Variants in FCER1A observed in about 807,000 individuals in gnomAD.
FCER1A encodes high affinity immunoglobulin epsilon receptor subunit alpha.
In FCER1A, 24 loss-of-function variants were observed where a neutral mutation model predicts 23.6. That is an observed-to-expected ratio of 1.02 (90% CI 0.74 to 1.43). The LOEUF (loss-of-function observed/expected upper bound fraction) is 1.43. Among genes scored for constraint, FCER1A ranks in the 40% most tolerant of loss-of-function variants. The probability of loss-of-function intolerance (pLI) is 0.00; values close to 1 mark genes in which losing one functional copy is unlikely to be tolerated. For missense variants in FCER1A, 318 were observed against 294.5 expected, an observed-to-expected ratio of 1.08 and a Z score of -0.58; for synonymous variants, 121 against 108.8, an observed-to-expected ratio of 1.11 and a Z score of -0.70.
upstream of FCER1A, among the ~76,000 whole-genome samples, chr1:159,301,741 C>T (rs1652434427): frequency 6.6e-6 from 1 of 152,158 alleles, no homozygotes; most frequent in African/African-American, 2.4e-5. Flanking sequence ...GCTAGCCATG[C>T]TCCTGAATAT....
upstream of FCER1A, among the ~76,000 whole-genome samples, chr1:159,286,532 C>T (rs998223849): frequency 1.3e-5 from 2 of 152,108 alleles, no homozygotes; most frequent in Non-Finnish European, 2.9e-5. Context: ...CAGGGTTTCA[C>T]CATGTTAGCC....
chr1:159,287,225 G>A (rs564455396), upstream of FCER1A, among the ~76,000 whole-genome samples: 2 of 152,272 alleles, frequency 1.3e-5, no homozygotes, highest in African/African-American at 4.8e-5. Flanking sequence ...AAAAGGCAGG[G>A]CAAAGAAGAC....
upstream of FCER1A, among the ~76,000 whole-genome samples, chr1:159,300,251 G>T (rs1255353234): frequency 6.6e-6 from 1 of 152,104 alleles, no homozygotes; most frequent in Non-Finnish European, 1.5e-5. Context: ...CTAAGTAGGA[G>T]CTATTTAGAT....
At chr1:159,292,953 C>T (rs1206899108) in intron 1 of FCER1A, among the ~76,000 whole-genome samples, 3 of 151,946 alleles carry the variant, frequency 2.0e-5, no homozygotes, top group Middle Eastern at 6.8e-3. Flanking sequence ...GGTGCCACCT[C>T]GGGAATCTGC....
intron 1 of FCER1A, among the ~76,000 whole-genome samples, chr1:159,294,357 G>A (rs1359191350): frequency 6.6e-6 from 1 of 152,030 alleles, no homozygotes; most frequent in Non-Finnish European, 1.5e-5. Flanking sequence ...TCTTTTTATG[G>A]GGACTTTCAA....
At chr1:159,291,798 C>T (rs1328044678) in intron 1 of FCER1A, among the ~76,000 whole-genome samples, 1 of 152,122 alleles carries the variant, frequency 6.6e-6, no homozygotes, top group Non-Finnish European at 1.5e-5. Flanking sequence ...TTCCTCAATT[C>T]CTATTCACTT....
At chr1:159,306,694 C>A in intron 4 of FCER1A, among the ~76,000 whole-genome samples, 1 of 152,040 alleles carries the variant, frequency 6.6e-6, no homozygotes, top group East Asian at 1.9e-4. Context: ...GAAAGGAAAC[C>A]AGCAAGTCAG....
At chr1:159,304,293 G>C (rs1002710269) in intron 3 of FCER1A, 111 bp downstream of exon 3, 10 of 1,078,358 alleles carry the variant, frequency 9.3e-6, no homozygotes, top group Non-Finnish European at 1.3e-5. Flanking sequence ...GGGATTCAAG[G>C]CCTCTCATTT....
At chr1:159,287,843 A>G (rs1217311310), upstream of FCER1A, among the ~76,000 whole-genome samples, 1 of 151,004 alleles carries the variant, frequency 6.6e-6, no homozygotes, top group Non-Finnish European at 1.5e-5. Context: ...AGGATGATTT[A>G]TTAGGTTGTA....
upstream of FCER1A, among the ~76,000 whole-genome samples, chr1:159,288,607 CTT>C (rs764916953): frequency 2.8e-4 from 42 of 152,192 alleles, no homozygotes; most frequent in Non-Finnish European, 4.7e-4. Flanking sequence ...CTACTGCACT[CTT>C]ATCATTTCAG....
At position 159,302,416 on chromosome 1, in the gene FCER1A, T is replaced by G. The variant is rs767140252; in HGVS notation, c.52T>G (p.Phe18Val). 2.5e-6 allele frequency: 4 copies of G among 1,606,076 alleles called. No individual in the cohort carries two copies. The highest frequency in any genetic ancestry group is 3.4e-6 in the Non-Finnish European group (4 of 1,172,608). ...TCTACTGTGTGTAGCCTTACTGTTC[T>G]TCGGTAAGTAGAGATTCAATTACCC... Reference protein sequence around the residue: ...PTLLCVALLFFAPDGVLAVPQ... With the variant: ...PTLLCVALLFVAPDGVLAVPQ... Residue 18 changes from phenylalanine to valine, a missense_variant, in exon 1 of 5, where the codon TTC (phenylalanine) becomes GTC (valine). Transcript: ENST00000693622.
At chr1:159,294,879 T>C (rs1015242539) in intron 1 of FCER1A, among the ~76,000 whole-genome samples, 12 of 152,170 alleles carry the variant, frequency 7.9e-5, no homozygotes, top group African/African-American at 2.7e-4. Context: ...ACACTATTAA[T>C]AAACTTCAAG....
intron 1 of FCER1A, among the ~76,000 whole-genome samples, chr1:159,297,215 A>G (rs903412711): frequency 1.7e-4 from 26 of 152,100 alleles, no homozygotes; most frequent in African/African-American, 6.0e-4. Flanking sequence ...CAAACTTCCT[A>G]ACGCCACTTC....
chr1:159,302,484 G>A (rs1652464601), intron 1 of FCER1A, 65 bp downstream of exon 1: 1 of 1,145,928 alleles, frequency 8.7e-7, no homozygotes, highest in East Asian at 2.3e-5. Context: ...AGCTGGGGTA[G>A]GAACCTTTAC....
intron 4 of FCER1A, 87 bp downstream of exon 4, chr1:159,306,332 G>T (rs1199830889): frequency 3.0e-6 from 4 of 1,329,210 alleles, no homozygotes; most frequent in Non-Finnish European, 1.0e-6. Flanking sequence ...CTTGTAGAAG[G>T]GGGGCACCTG....
At chr1:159,302,477 T>C in intron 1 of FCER1A, 58 bp downstream of exon 1, 5 of 1,213,530 alleles carry the variant, frequency 4.1e-6, no homozygotes, top group Non-Finnish European at 6.1e-6. Flanking sequence ...GGGGAGCAGC[T>C]GGGGTAGGAA....
In FCER1A at chr1:159,303,969, A is replaced by G. The variant is rs774856242; in HGVS notation, c.118A>G (p.Arg40Gly). Residue 40 changes from arginine (R) to glycine (G), a missense_variant, in exon 3 of 5, where the codon AGA becomes GGA. By Grantham distance (125) the Arg-to-Gly change is moderately radical. Coordinates refer to ENST00000693622, the MANE Select transcript of FCER1A (RefSeq NM_001387280.1). The part of the protein sequence containing the change: ...PKVSLNPPWN[R>G]IFKGENVTLT... ...GGTCTCCTTGAACCCTCCATGGAAT[A>G]GAATATTTAAAGGAGAGAATGTGAC... The G allele has an allele frequency of 1.2e-6, 2 of 1,611,816 alleles. No individual in the cohort carries two copies. Among genetic ancestry groups the G allele is most frequent in the Admixed American group, 1.7e-5 (1 of 60,034 alleles).
chr1:159,297,399 T>A (rs776741877), upstream of FCER1A, among the ~76,000 whole-genome samples: 15 of 152,140 alleles, frequency 9.9e-5, no homozygotes, highest in Non-Finnish European at 1.6e-4. Flanking sequence ...ACCAGGAGGA[T>A]GGGAAAGGAG....
the FCER1A span, among the ~76,000 whole-genome samples, chr1:159,284,080 C>A: frequency 1.3e-5 from 2 of 152,082 alleles, no homozygotes; most frequent in Non-Finnish European, 2.9e-5. Context: ...AAAGGGAGGA[C>A]CTTAAATTTA....
Sources: gnomAD v4.1 joint callset for allele counts (sites outside exome capture counted in the v4.1 genomes callset) on GRCh38, gnomAD v4.1.1 for gene constraint, MANE v1.5 for transcripts, NCBI Gene and HGNC (gene_info 2026-07-23, HGNC 2026-07-21) for gene names.